PCSK5: variants seen among roughly 807,000 people sequenced by gnomAD.
PCSK5 encodes the protein prohormone convertase 5.
Under a neutral mutation model 233.2 loss-of-function variants are expected in PCSK5, and 129 were observed. The ratio of observed to expected loss-of-function variants is 0.55; its 90% confidence interval spans 0.48 to 0.64. The LOEUF is 0.64. Among genes scored for constraint, PCSK5 ranks in the 30% least tolerant of loss-of-function variants. The pLI is 0.00. For synonymous variants in PCSK5, 825 were observed against 879.2 expected, an observed-to-expected ratio of 0.94 and a Z score of 1.09; for missense variants, 2,076 against 2,430.1, an observed-to-expected ratio of 0.85 and a Z score of 3.06.
intron 20 of PCSK5, among the ~76,000 whole-genome samples, chr9:76,200,138 A>G (rs943278803): frequency 3.9e-5 from 6 of 152,138 alleles, no homozygotes; most frequent in Non-Finnish European, 7.3e-5. Flanking sequence ...TTCCCTACAC[A>G]GCATAGTGCC....
intron 21 of PCSK5, among the ~76,000 whole-genome samples, chr9:76,230,652 G>A (rs866123831): frequency 2.0e-5 from 3 of 152,144 alleles, no homozygotes; most frequent in South Asian, 2.1e-4. Context: ...GCCACTCCCC[G>A]TTGCTCATAT....
At chr9:76,158,068 TG>T (rs74398232) in intron 11 of PCSK5, among the ~76,000 whole-genome samples, 11,822 of 152,212 alleles carry the variant, frequency 0.078, 684 homozygotes, top group East Asian at 0.27. Context: ...TATCAAGCAC[TG>T]AGCAAAACAT....
At chr9:75,931,031 T>C (rs1564089916) in intron 1 of PCSK5, among the ~76,000 whole-genome samples, 2 of 152,174 alleles carry the variant, frequency 1.3e-5, no homozygotes, top group Non-Finnish European at 2.9e-5. Flanking sequence ...GGATTTCATC[T>C]GTGTAGGTCA....
rs753175155 is a variant in PCSK5, at chr9:76,338,277, G to C, written c.4796G>C (p.Ser1599Thr). The C allele has an allele frequency of 6.2e-7, 1 of 1,612,686 alleles. No individual in the cohort carries two copies. Among genetic ancestry groups the C allele is most frequent in the Non-Finnish European group, 8.5e-7 (1 of 1,179,784 alleles). Residue 1599 changes from serine to threonine, a missense_variant, in exon 35 of 38, where the codon AGC becomes ACC. Ser to Thr is a moderately conservative substitution (Grantham distance 58). Transcript: ENST00000674117. ...STGRCERCNR[S>T]CKGCQGPRPT... ...GGCCGGTGTGAGAGGTGCAACAGGA[G>C]CTGCAAGGGGTGCCAGGGCCCACGG...
At chr9:76,047,069 A>T (rs537668485) in intron 5 of PCSK5, among the ~76,000 whole-genome samples, 1 of 151,760 alleles carries the variant, frequency 6.6e-6, no homozygotes, top group South Asian at 2.1e-4. Flanking sequence ...AAGAAATGAG[A>T]TCCTTATTTG....
intron 28 of PCSK5, among the ~76,000 whole-genome samples, chr9:76,303,548 CAT>C (rs1828682708): frequency 6.6e-6 from 1 of 152,176 alleles, no homozygotes; most frequent in African/African-American, 2.4e-5. Context: ...GAAGCCTGGA[CAT>C]AGAACATTGA....
intron 2 of PCSK5, among the ~76,000 whole-genome samples, chr9:75,940,751 A>T (rs1390958251): frequency 6.6e-6 from 1 of 152,182 alleles, no homozygotes; most frequent in Non-Finnish European, 1.5e-5. Context: ...TTCCCCATGG[A>T]TTCACTTTAT....
At chr9:76,320,196 C>T (rs1829150585) in intron 30 of PCSK5, among the ~76,000 whole-genome samples, 1 of 151,978 alleles carries the variant, frequency 6.6e-6, no homozygotes, top group South Asian at 2.1e-4. Context: ...AGAACACCTG[C>T]TAATAAGCAC....
intron 1 of PCSK5, among the ~76,000 whole-genome samples, chr9:75,906,495 G>A (rs1826270587): frequency 6.6e-6 from 1 of 152,170 alleles, no homozygotes; most frequent in African/African-American, 2.4e-5. Flanking sequence ...AAAGTGCTGG[G>A]ATTACAGGCG....
intron 3 of PCSK5, among the ~76,000 whole-genome samples, chr9:76,006,898 C>T (rs1055304323): frequency 6.6e-6 from 1 of 152,106 alleles, no homozygotes; most frequent in Non-Finnish European, 1.5e-5. Context: ...GTGTGGAGGT[C>T]CAGGAGACTT....
intron 35 of PCSK5, among the ~76,000 whole-genome samples, chr9:76,347,235 TG>T (rs1381035553): frequency 6.6e-6 from 1 of 152,150 alleles, no homozygotes; most frequent in Non-Finnish European, 1.5e-5. Context: ...CCCCAGAAGT[TG>T]CTCTGCATTT....
intron 10 of PCSK5, among the ~76,000 whole-genome samples, chr9:76,148,452 A>G (rs1823541694): frequency 4.0e-5 from 6 of 151,560 alleles, no homozygotes; most frequent in Admixed American, 3.9e-4. Flanking sequence ...TACAAGGATC[A>G]TGTCTTCACC....
At chr9:75,939,389 G>A (rs992137138) in intron 2 of PCSK5, among the ~76,000 whole-genome samples, 2 of 152,186 alleles carry the variant, frequency 1.3e-5, no homozygotes, top group Non-Finnish European at 2.9e-5. Flanking sequence ...ATTTCTCTGA[G>A]AGATCTAAGC....
At chr9:75,909,404 A>G (rs1822615671) in intron 1 of PCSK5, among the ~76,000 whole-genome samples, 1 of 151,194 alleles carries the variant, frequency 6.6e-6, no homozygotes, top group African/African-American at 2.4e-5. Flanking sequence ...TGTAGTTAAA[A>G]TGCCCTCAGA....
At chr9:75,961,236 C>G (rs1044081831) in intron 2 of PCSK5, among the ~76,000 whole-genome samples, 33 of 152,156 alleles carry the variant, frequency 2.2e-4, no homozygotes, top group African/African-American at 8.0e-4. Flanking sequence ...GCTGGTGCAT[C>G]TCTACATGAA....
intron 7 of PCSK5, among the ~76,000 whole-genome samples, chr9:76,088,909 T>C (rs577440306): frequency 1.4e-4 from 21 of 149,632 alleles, no homozygotes; most frequent in African/African-American, 4.7e-4. Context: ...GGGGTTTTGG[T>C]GGTGTTCGTG....
chr9:75,927,043 T>C (rs916871602), intron 1 of PCSK5, among the ~76,000 whole-genome samples: 1 of 152,178 alleles, frequency 6.6e-6, no homozygotes, highest in Admixed American at 6.5e-5. Flanking sequence ...GCCAAATGGT[T>C]TTCCAAAGAC....
chr9:76,227,586 A>T lies in PCSK5; in HGVS notation c.2710A>T (p.Thr904Ser). 1 of 1,610,080 alleles carries T rather than the reference A, an allele frequency of 6.2e-7. No homozygotes were observed. The highest frequency in any genetic ancestry group is 8.5e-7 in the Non-Finnish European group (1 of 1,178,130). Reference sequence around the variant, plus strand: ...CCAGGGACCAACCCAGGAAGACTGCACTACCTGCCCCATGACAAGGTAAGT... The same window carrying T: ...CCAGGGACCAACCCAGGAAGACTGCTCTACCTGCCCCATGACAAGGTAAGT... Reference protein sequence around the residue: ...KCQGPTQEDCTTCPMTRIFDD... With the variant: ...KCQGPTQEDCSTCPMTRIFDD... The change falls in exon 21 of 38, where the codon ACT becomes TCT. Residue 904 changes from threonine to serine, a missense_variant. Physicochemically the swap from Thr to Ser is moderately conservative, Grantham distance 58. Around this residue, in one of 6 missense-constraint regions of PCSK5, gnomAD observed 1,510 missense variants for 1,538.1 expected, o/e 0.98. Transcript: ENST00000674117.
chr9:76,296,709 C>G lies in PCSK5; in HGVS notation c.3367C>G (p.Gln1123Glu). ...ATGTGGTCCTGGATTCTATGGTGAC[C>G]AAGAAATGGGAGAATGTGAGTCCTG... is the stretch of plus-strand genomic sequence containing the variant. ...RKCGPGFYGD[Q>E]EMGECESCHR... Residue 1123 changes from glutamine (Q) to glutamate (E), a missense_variant, in exon 27 of 38, where the codon CAA (glutamine) becomes GAA (glutamate). Gln to Glu is a conservative substitution (Grantham distance 29, BLOSUM62 2). Around this residue, in one of 6 missense-constraint regions of PCSK5, gnomAD observed 1,510 missense variants for 1,538.1 expected, o/e 0.98. Coordinates refer to ENST00000674117, the MANE Select transcript of PCSK5 (RefSeq NM_001372043.1). 6.2e-7 allele frequency: 1 copy of G among 1,612,426 alleles called. No individual in the cohort carries two copies. The highest frequency in any genetic ancestry group is 2.2e-5 in the East Asian group (1 of 44,866).
Sources: gnomAD v4.1 joint callset for allele counts (sites outside exome capture counted in the v4.1 genomes callset) on GRCh38, gnomAD v4.1.1 for gene constraint, gnomAD v4.1.1 regional missense constraint, MANE v1.5 for transcripts, NCBI Gene and HGNC (gene_info 2026-07-23, HGNC 2026-07-21) for gene names.